TRIO: variants seen among roughly 807,000 people sequenced by gnomAD.
TRIO encodes the protein trio Rho guanine nucleotide exchange factor.
A neutral mutation model predicts 351.9 loss-of-function variants in TRIO; 58 were observed. The ratio of observed to expected loss-of-function variants is 0.16; its 90% CI spans 0.13 to 0.21. TRIO has a LOEUF of 0.21. TRIO is among the 10% of genes least tolerant of loss of function. The pLI, the probability that TRIO is intolerant of heterozygous loss-of-function variation, is 1.00. For missense variants in TRIO, 3,201 were observed against 4,027.8 expected (o/e 0.79, Z 5.56); for synonymous variants, 1,758 against 1,595.7 (o/e 1.10, Z -2.42).
At chr5:14,337,317 A>G (rs1201029708) in intron 11 of TRIO, among the ~76,000 whole-genome samples, 2 of 152,258 alleles carry the variant, frequency 1.3e-5, no homozygotes, top group South Asian at 4.1e-4. Context: ...TAGAAATCAT[A>G]TAAAGTTACA....
intron 31 of TRIO, 142 bp from the exon 32 acceptor site, chr5:14,405,706 T>C: frequency 1.0e-6 from 1 of 958,990 alleles, no homozygotes; most frequent in Non-Finnish European, 1.5e-6. Context: ...GGTAGCATAT[T>C]AAACGTCGGA....
At chr5:14,210,051 G>A (rs1791788120) in intron 1 of TRIO, among the ~76,000 whole-genome samples, 1 of 152,212 alleles carries the variant, frequency 6.6e-6, no homozygotes, top group Non-Finnish European at 1.5e-5. Context: ...ATTGCTGGAG[G>A]AGCCCAGCTG....
chr5:14,215,988 G>T (rs1354359774), intron 1 of TRIO, among the ~76,000 whole-genome samples: 1 of 152,132 alleles, frequency 6.6e-6, no homozygotes, highest in Non-Finnish European at 1.5e-5. Flanking sequence ...TAGCCATGCT[G>T]CTTGCCTTCT....
chr5:14,478,306 A>G (rs759058816), intron 41 of TRIO, among the ~76,000 whole-genome samples: 63 of 152,350 alleles, frequency 4.1e-4, no homozygotes, highest in Non-Finnish European at 7.8e-4. Context: ...GTTTTTTACT[A>G]TAAATTTGTG....
intron 34 of TRIO, among the ~76,000 whole-genome samples, chr5:14,459,270 CCTG>C (rs2126485010): frequency 6.6e-6 from 1 of 152,354 alleles, no homozygotes; most frequent in East Asian, 1.9e-4. Context: ...ACAGGGTTCA[CCTG>C]CAGCAGGGAA....
intron 19 of TRIO, among the ~76,000 whole-genome samples, chr5:14,376,740 G>A (rs1476674861): frequency 6.6e-6 from 1 of 152,216 alleles, no homozygotes; most frequent in African/African-American, 2.4e-5. Context: ...GAATAGTTGT[G>A]TAAGCACTGT....
At chr5:14,274,169 T>C (rs1418341586) in intron 2 of TRIO, among the ~76,000 whole-genome samples, 1 of 152,212 alleles carries the variant, frequency 6.6e-6, no homozygotes, top group African/African-American at 2.4e-5. Context: ...CTCATATGCA[T>C]TGCTGCTGGT....
At chr5:14,453,708 T>A (rs545006514) in intron 34 of TRIO, among the ~76,000 whole-genome samples, 2 of 152,302 alleles carry the variant, frequency 1.3e-5, no homozygotes, top group East Asian at 3.9e-4. Context: ...TGACATCCCT[T>A]ATGGATCATC....
chr5:14,365,508 CTG>C (rs751862958), intron 15 of TRIO, among the ~76,000 whole-genome samples: 51 of 152,228 alleles, frequency 3.4e-4, no homozygotes, highest in Non-Finnish European at 5.7e-4. Context: ...TCAGTCAGAA[CTG>C]TTGAAAAGAG....
chr5:14,251,274 C>T (rs1433179514), intron 1 of TRIO, among the ~76,000 whole-genome samples: 1 of 152,188 alleles, frequency 6.6e-6, no homozygotes, highest in African/African-American at 2.4e-5. Context: ...CTTAGGAACA[C>T]AATGGAATGG....
intron 11 of TRIO, 66 bp downstream of exon 11, chr5:14,336,793 C>T (rs968042141): frequency 1.9e-6 from 3 of 1,554,856 alleles, no homozygotes; most frequent in Admixed American, 1.8e-5. Context: ...TTTGGAGGAA[C>T]CTAAATTTAG....
chr5:14,387,574 A>C lies in TRIO; in HGVS notation c.3707A>C (p.Glu1236Ala), dbSNP rs1326049633. 3 of 1,614,092 alleles carry C rather than the reference A, an allele frequency of 1.9e-6. No homozygotes were observed. In the African/African-American group the frequency reaches 4.0e-5, roughly 22 times the overall value. ...KRYRDFSLRM[E>A]KYRTSLEKAL... The stretch of plus-strand genomic sequence containing the variant: ...TACAGAGATTTCTCTCTGCGGATGG[A>C]GAAGTACAGGACCTCTTTGGAAAAA... Residue 1236 changes from glutamate (E) to alanine (A), a missense_variant, in exon 22 of 57, where the codon GAG becomes GCG. Glu to Ala is a moderately radical substitution (Grantham distance 107, BLOSUM62 -1). Coordinates refer to ENST00000344204, the MANE Select transcript of TRIO (RefSeq NM_007118.4).
At position 14,419,957 on chromosome 5, in the gene TRIO, T is replaced by C; in HGVS notation, c.5139T>C (p.Cys1713=). The change falls in exon 34 of 57, where the codon TGT becomes TGC. Residue 1713 remains cysteine, a synonymous_variant. Coordinates refer to ENST00000344204, the MANE Select transcript of TRIO (RefSeq NM_007118.4). ...RSPAAEGLVP[C]GSLCIAHSRS... Reference sequence around the variant, plus strand: ...CAGCGGCAGAAGGCCTGGTCCCCTGTGGTTCACTGTGCATCGCCCACTCCA... The same window carrying C: ...CAGCGGCAGAAGGCCTGGTCCCCTGCGGTTCACTGTGCATCGCCCACTCCA... 1 of 1,614,238 alleles carries C rather than the reference T, an allele frequency of 6.2e-7. No individual in the cohort carries two copies. Among genetic ancestry groups the C allele is most frequent in the Non-Finnish European group, 8.5e-7 (1 of 1,180,048 alleles).
intron 37 of TRIO, among the ~76,000 whole-genome samples, chr5:14,467,754 A>G (rs565425906): frequency 2.0e-5 from 3 of 152,250 alleles, no homozygotes; most frequent in South Asian, 2.1e-4. Flanking sequence ...TTGAGGCTGC[A>G]GTGAGCTGAG....
intron 11 of TRIO, among the ~76,000 whole-genome samples, chr5:14,345,243 C>G (rs1219850476): frequency 1.3e-5 from 2 of 152,142 alleles, no homozygotes; most frequent in Non-Finnish European, 2.9e-5. Context: ...GAAGATCATG[C>G]AGTGCTGATA....
Position 14,385,700 on chromosome 5 carries a change from A to G in TRIO, c.3571-1738A>G, listed in dbSNP as rs369080645. On this transcript the variant is annotated intron_variant, in intron 21 of 56. Transcript: ENST00000344204. Reference sequence around the variant, plus strand: ...ATCTTTTTTATCTTTGGAATTTTGAATCCTGTAAATGTATTTTAAAAATAC... The same window carrying G: ...ATCTTTTTTATCTTTGGAATTTTGAGTCCTGTAAATGTATTTTAAAAATAC... Among the ~76,000 whole-genome samples the G allele has an allele frequency of 2.8e-4, 43 of 152,312 alleles. No individual in the cohort carries two copies. In the South Asian group the frequency reaches 8.7e-3, roughly 31 times the overall value.
chr5:14,364,874 G>C, intron 15 of TRIO, 58 bp downstream of exon 15: 14 of 1,530,602 alleles, frequency 9.1e-6, no homozygotes, highest in Non-Finnish European at 1.2e-5. Context: ...ATACCTCATC[G>C]ACTTCCCGGA....
intron 8 of TRIO, among the ~76,000 whole-genome samples, chr5:14,309,600 C>G (rs1397442085): frequency 6.6e-6 from 1 of 152,208 alleles, no homozygotes; most frequent in South Asian, 2.1e-4. Context: ...TTTTCAGAGG[C>G]CTTCCCTAGT....
chr5:14,286,640 G>C lies in TRIO; in HGVS notation c.348-231G>C, dbSNP rs1561293198. ...GATGCAAAACCATTAATACAAAATT[G>C]AAATCTTAACAGGTTTTGCAGGTTG... On this transcript the variant is annotated intron_variant, in intron 3 of 56. Coordinates refer to ENST00000344204, the MANE Select transcript of TRIO (RefSeq NM_007118.4). The surrounding 1 kb of genome is among the most constrained non-coding windows in gnomAD (Gnocchi z 4.4). Among the ~76,000 whole-genome samples, 1 of 152,160 alleles carries C rather than the reference G, an allele frequency of 6.6e-6. No individual in the cohort carries two copies. Among genetic ancestry groups the C allele is most frequent in the Non-Finnish European group, 1.5e-5 (1 of 68,018 alleles).
Sources: allele counts gnomAD v4.1 joint callset (sites outside exome capture counted in the v4.1 genomes callset), GRCh38; gene constraint gnomAD v4.1.1; non-coding constraint Gnocchi (gnomAD v3.1); transcripts MANE v1.5; gene names NCBI Gene and HGNC (gene_info 2026-07-23, HGNC 2026-07-21).